Variants in WWOX observed in about 807,000 individuals in gnomAD.
The protein encoded by WWOX is WW domain containing oxidoreductase.
A neutral mutation model predicts 46.2 loss-of-function variants in WWOX; 69 were observed. The ratio of observed to expected loss-of-function variants is 1.49; its 90% confidence interval spans 1.23 to 1.82. The LOEUF (loss-of-function observed/expected upper bound fraction) is 1.82. WWOX is among the 40% of genes most tolerant of loss of function. The pLI is 0.00. For missense variants in WWOX, 919 were observed against 542.6 expected (o/e 1.69, Z -6.89); for synonymous variants, 359 against 202.6 (o/e 1.77, Z -6.56).
At chr16:78,622,320 A>G (rs1001478510) in intron 8 of WWOX, among the ~76,000 whole-genome samples, 1 of 152,030 alleles carries the variant, frequency 6.6e-6, no homozygotes, top group African/African-American at 2.4e-5. Context: ...AGGCAGGCAG[A>G]TCACCTGAGG....
At chr16:78,763,514 A>C (rs1051969613) in intron 8 of WWOX, among the ~76,000 whole-genome samples, 1 of 152,172 alleles carries the variant, frequency 6.6e-6, no homozygotes, top group Non-Finnish European at 1.5e-5. Flanking sequence ...CATGAATGCA[A>C]TTTTTTACAT....
chr16:78,203,772 G>T (rs547550664), intron 5 of WWOX, among the ~76,000 whole-genome samples: 4 of 152,166 alleles, frequency 2.6e-5, no homozygotes, highest in African/African-American at 9.7e-5. Flanking sequence ...GGGCAAGCGC[G>T]TGCTAGTTAT....
intron 8 of WWOX, among the ~76,000 whole-genome samples, chr16:79,043,986 A>G (rs970473219): frequency 3.9e-5 from 6 of 152,222 alleles, no homozygotes; most frequent in Non-Finnish European, 7.3e-5. Context: ...AGGGACAATG[A>G]AACTCTCATT....
At chr16:79,153,554 T>C (rs1225629445) in intron 8 of WWOX, among the ~76,000 whole-genome samples, 1 of 152,178 alleles carries the variant, frequency 6.6e-6, no homozygotes, top group Non-Finnish European at 1.5e-5. Context: ...TGGATTACAC[T>C]GAGTAACAAT....
At chr16:78,692,908 G>A (rs1393067013) in intron 8 of WWOX, among the ~76,000 whole-genome samples, 1 of 152,180 alleles carries the variant, frequency 6.6e-6, no homozygotes, top group African/African-American at 2.4e-5. Flanking sequence ...TGTAATAGAA[G>A]ATATCGTTTG....
intron 6 of WWOX, among the ~76,000 whole-genome samples, chr16:78,412,336 C>A (rs915671272): frequency 6.6e-6 from 1 of 151,910 alleles, no homozygotes; most frequent in African/African-American, 2.4e-5. Context: ...GCATGTTGAC[C>A]CTGAATTTGT....
intron 6 of WWOX, among the ~76,000 whole-genome samples, chr16:78,407,713 A>G (rs1234467702): frequency 6.6e-6 from 1 of 152,136 alleles, no homozygotes; most frequent in Non-Finnish European, 1.5e-5. Flanking sequence ...CTCCAGCTTC[A>G]GTGATATATT....
intron 8 of WWOX, among the ~76,000 whole-genome samples, chr16:79,125,639 C>G (rs1022757387): frequency 2.8e-4 from 42 of 152,236 alleles, no homozygotes; most frequent in Admixed American, 1.6e-3. Flanking sequence ...GAGACAAGTT[C>G]TGGGCCATAA....
At chr16:79,159,390 A>C (rs1466862550) in intron 8 of WWOX, among the ~76,000 whole-genome samples, 1 of 152,182 alleles carries the variant, frequency 6.6e-6, no homozygotes, top group East Asian at 1.9e-4. Context: ...ATGGCATGTC[A>C]TTTTCTAATG....
intron 8 of WWOX, among the ~76,000 whole-genome samples, chr16:78,956,170 GAGTCTTGCTCTGTCACCCA>G (rs2046162707): frequency 6.6e-6 from 1 of 151,796 alleles, no homozygotes; most frequent in Non-Finnish European, 1.5e-5. Flanking sequence ...TTTTGAGATG[GAGTCTTGCTCTGTCACCCA>G]GGCTGGAGTG....
chr16:78,380,895 A>C (rs1449663445), intron 5 of WWOX, among the ~76,000 whole-genome samples: 5 of 152,244 alleles, frequency 3.3e-5, no homozygotes, highest in African/African-American at 1.2e-4. Context: ...AGTGGCCTTC[A>C]AAATAATGAT....
intron 8 of WWOX, among the ~76,000 whole-genome samples, chr16:78,509,451 A>AT (rs1567613481): frequency 6.8e-6 from 1 of 146,738 alleles, no homozygotes; most frequent in African/African-American, 2.5e-5. Context: ...AAAAAAAAAA[A>AT]TAATATAATA....
At chr16:79,139,101 C>A (rs758633670) in intron 8 of WWOX, among the ~76,000 whole-genome samples, 1 of 152,188 alleles carries the variant, frequency 6.6e-6, no homozygotes, top group African/African-American at 2.4e-5. Flanking sequence ...CCAGCTTCCC[C>A]GGCCCCATTC....
intron 8 of WWOX, among the ~76,000 whole-genome samples, chr16:79,063,584 T>C (rs2048391595): frequency 6.6e-6 from 1 of 152,284 alleles, no homozygotes; most frequent in East Asian, 1.9e-4. Context: ...GGAGCGGATT[T>C]GGAAACAAGG....
At chr16:79,001,807 G>A (rs2047098484) in intron 8 of WWOX, among the ~76,000 whole-genome samples, 1 of 152,134 alleles carries the variant, frequency 6.6e-6, no homozygotes, top group Admixed American at 6.5e-5. Context: ...TGAACCTCAT[G>A]ACTGCTTTAG....
intron 8 of WWOX, among the ~76,000 whole-genome samples, chr16:79,108,974 A>C (rs935604390): frequency 6.6e-6 from 1 of 151,922 alleles, no homozygotes; most frequent in African/African-American, 2.4e-5. Flanking sequence ...CATCTGAGCA[A>C]CATTATCCTT....
chr16:78,133,810 G>A (rs1415297985), intron 4 of WWOX, among the ~76,000 whole-genome samples: 2 of 152,200 alleles, frequency 1.3e-5, no homozygotes, highest in East Asian at 3.8e-4. Flanking sequence ...TAGAATCCTG[G>A]GGAAGCTAGC....
chr16:78,928,893 T>A (rs1234355625), intron 8 of WWOX, among the ~76,000 whole-genome samples: 3 of 152,218 alleles, frequency 2.0e-5, no homozygotes, highest in Non-Finnish European at 4.4e-5. Flanking sequence ...GAGTTAAATT[T>A]ACAGTATTTT....
chr16:79,036,211 C>T (rs141656671), intron 8 of WWOX, among the ~76,000 whole-genome samples: 2,922 of 152,296 alleles, frequency 0.019, 39 homozygotes, highest in Middle Eastern at 0.058. Context: ...AAACAGTATA[C>T]CCACTACAGC....
Sources: gnomAD v4.1 joint callset for allele counts (sites outside exome capture counted in the v4.1 genomes callset) on GRCh38, gnomAD v4.1.1 for gene constraint, MANE v1.5 for transcripts, NCBI Gene and HGNC (gene_info 2026-07-23, HGNC 2026-07-21) for gene names.